ZSWIM7: variants seen among roughly 807,000 people sequenced by gnomAD.
ZSWIM7 encodes zinc finger SWIM domain-containing protein 7.
ZSWIM7 carries 22 observed loss-of-function variants against 21.1 expected under a neutral mutation model. That is an observed-to-expected ratio of 1.04 (90% CI 0.74 to 1.49). The LOEUF (loss-of-function observed/expected upper bound fraction) is 1.49. ZSWIM7 is among the 40% of genes most tolerant of loss of function. The probability of loss-of-function intolerance (pLI) is 0.00; values close to 1 mark genes in which losing one functional copy is unlikely to be tolerated. For synonymous variants in ZSWIM7, 67 were observed against 66.5 expected, an observed-to-expected ratio of 1.01 and a Z score of -0.04; for missense variants, 193 against 168.0, an observed-to-expected ratio of 1.15 and a Z score of -0.82.
chr17:15,978,251 G>T, intron 4 of ZSWIM7, 88 bp from the exon 5 acceptor site: 1 of 932,670 alleles, frequency 1.1e-6, no homozygotes, highest in Non-Finnish European at 1.7e-6. Context: ...CATCTTATTT[G>T]GCAGGAGAAG....
At chr17:15,983,569 C>G (rs998436655) in intron 3 of ZSWIM7, among the ~76,000 whole-genome samples, 1 of 151,958 alleles carries the variant, frequency 6.6e-6, no homozygotes, top group African/African-American at 2.4e-5. Flanking sequence ...AAAAAACCCA[C>G]AACATCCAGC....
chr17:15,978,015 A>G lies in ZSWIM7; in HGVS notation c.*32T>C, dbSNP rs1353878008. On this transcript the variant is annotated 3_prime_UTR_variant, in exon 5 of 5. Coordinates refer to ENST00000399277, the MANE Select transcript of ZSWIM7 (RefSeq NM_001042697.2). Reference sequence around the variant, plus strand: ...TCAATGCATTTCTTGACAGGATTCTATTTTGAAAGAATGATGCTCAATCTG... The same window carrying G: ...TCAATGCATTTCTTGACAGGATTCTGTTTTGAAAGAATGATGCTCAATCTG... 1.1e-5 allele frequency: 17 copies of G among 1,542,218 alleles called. No individual in the cohort carries two copies. Among genetic ancestry groups the G allele is most frequent in the Non-Finnish European group, 1.4e-5 (16 of 1,115,696 alleles).
In ZSWIM7 at chr17:15,977,452, C is replaced by CACTT. The variant is rs931303763; in HGVS notation, c.*591_*594dup. The CACTT allele has an allele frequency of 8.5e-5, 13 of 152,370 alleles. No homozygotes were observed. Among genetic ancestry groups the CACTT allele is most frequent in the African/African-American group, 2.9e-4 (12 of 41,538 alleles). The allele number at this position is 152,370 out of a possible 1,614,324, so 9.4% of individuals were successfully genotyped here. On this transcript the variant is annotated 3_prime_UTR_variant, in exon 5 of 5. Transcript: ENST00000399277. ...CAGTGGCTCATGCATGTAATTCCAG[C>CACTT]ACTTTGGGAGGTCGAGGCGGGCAGA...
chr17:15,979,555 G>A (rs1024650416), intron 4 of ZSWIM7, among the ~76,000 whole-genome samples: 4 of 151,994 alleles, frequency 2.6e-5, no homozygotes, highest in African/African-American at 9.6e-5. Flanking sequence ...TCACTTCCCA[G>A]TAGGGGTGGC....
rs1970651078 is a variant in ZSWIM7, at chr17:15,999,697, G to A, written c.-103C>T. ...CTGACCCCCCGCCGGGGCAGGGCGA[G>A]ACGGAGTGACGTCGGGGCGCGTCAT... On this transcript the variant is annotated 5_prime_UTR_variant, in exon 1 of 5. Transcript: ENST00000399277. 1 of 1,554,374 alleles carries A rather than the reference G, an allele frequency of 6.4e-7. No homozygotes were observed. Among genetic ancestry groups the A allele is most frequent in the Admixed American group, 1.9e-5 (1 of 52,236 alleles).
intron 1 of ZSWIM7, among the ~76,000 whole-genome samples, chr17:15,996,329 A>C (rs1006978947): frequency 6.6e-6 from 1 of 151,550 alleles, no homozygotes; most frequent in Non-Finnish European, 1.5e-5. Context: ...AAACAAAAAA[A>C]CCCCACAACT....
At chr17:15,989,652 A>G (rs1395743047) in intron 2 of ZSWIM7, among the ~76,000 whole-genome samples, 2 of 151,898 alleles carry the variant, frequency 1.3e-5, no homozygotes, top group Non-Finnish European at 2.9e-5. Flanking sequence ...TTTGAGACAA[A>G]GTCTCTCTCT....
chr17:15,983,530 A>G (rs965944681), intron 3 of ZSWIM7, among the ~76,000 whole-genome samples: 4 of 151,944 alleles, frequency 2.6e-5, no homozygotes, highest in African/African-American at 9.7e-5. Flanking sequence ...AGAGCATTAA[A>G]GCAGATTGTT....
In ZSWIM7 at chr17:15,999,680, C is replaced by G. The variant is rs73276077; in HGVS notation, c.-86G>C. ...CCTACCTGTGGAGGATCCTGACCCC[C>G]CGCCGGGGCAGGGCGAGACGGAGTG... On this transcript the variant is annotated 5_prime_UTR_variant, in exon 1 of 5. Transcript: ENST00000399277. 9,754 of 1,557,882 alleles carry G rather than the reference C, an allele frequency of 6.3e-3. 491 individuals carry two copies. In the African/African-American group the frequency reaches 0.11, roughly 18 times the overall value.
At chr17:15,987,389 A>G in intron 2 of ZSWIM7, 21 bp from the exon 3 acceptor site, 5 of 1,598,642 alleles carry the variant, frequency 3.1e-6, no homozygotes, top group Non-Finnish European at 4.3e-6. Flanking sequence ...AAAACACTTC[A>G]GATTAGAAGG....
intron 3 of ZSWIM7, among the ~76,000 whole-genome samples, chr17:15,982,332 T>C (rs556727572): frequency 1.3e-5 from 2 of 152,298 alleles, no homozygotes; most frequent in African/African-American, 4.8e-5. Context: ...AAGATTATTA[T>C]TAGTATCTGA....
chr17:15,978,475 G>T (rs1033967034), intron 4 of ZSWIM7, among the ~76,000 whole-genome samples: 1 of 152,214 alleles, frequency 6.6e-6, no homozygotes, highest in African/African-American at 2.4e-5. Context: ...GTACATGCCT[G>T]TAATTCCAGC....
intron 1 of ZSWIM7, among the ~76,000 whole-genome samples, chr17:15,995,000 T>G (rs1597442649): frequency 6.6e-6 from 1 of 151,718 alleles, no homozygotes; most frequent in Non-Finnish European, 1.5e-5. Flanking sequence ...CAGAAGAAAG[T>G]TAGAGGAAAA....
chr17:15,999,363 GT>G, intron 1 of ZSWIM7, 155 bp downstream of exon 1: 3 of 1,019,546 alleles, frequency 2.9e-6, no homozygotes, highest in Non-Finnish European at 4.3e-6. Context: ...TTGTTGTTTT[GT>G]TTTTTTGTCT....
intron 3 of ZSWIM7, among the ~76,000 whole-genome samples, chr17:15,985,002 A>C (rs997288306): frequency 3.3e-5 from 5 of 152,072 alleles, no homozygotes; most frequent in African/African-American, 1.2e-4. Flanking sequence ...TTATTAAGTG[A>C]ATCAAAAAAG....
chr17:15,978,079 T>A lies in ZSWIM7; in HGVS notation c.391A>T (p.Ile131Leu), dbSNP rs1298402072. The change falls in exon 5 of 5, where the codon ATA (isoleucine) becomes TTA (leucine). Residue 131 changes from isoleucine (I) to leucine (L), a missense_variant. Physicochemically the swap from Ile to Leu is conservative, Grantham distance 5 (BLOSUM62 2). Coordinates refer to ENST00000399277, the MANE Select transcript of ZSWIM7 (RefSeq NM_001042697.2). ...TCTTGTTTCTTCTCCATCAATAATA[T>A]GTCAGTCAACTGCTTGTCAGAGACA... ...LSVSDKQLTDILLMEKKQEA is the reference protein window; with the variant it reads ...LSVSDKQLTDLLLMEKKQEA 1 of 1,614,160 alleles carries A rather than the reference T, an allele frequency of 6.2e-7. No individual in the cohort carries two copies.
At chr17:15,979,329 C>G (rs574334405) in intron 4 of ZSWIM7, among the ~76,000 whole-genome samples, 4 of 152,082 alleles carry the variant, frequency 2.6e-5, no homozygotes, top group South Asian at 4.1e-4. Flanking sequence ...CAACAGGATC[C>G]CAAGGCAGAA....
Position 15,976,932 on chromosome 17 carries a change from T to C in ZSWIM7, c.*1115A>G, listed in dbSNP as rs1050285838. ...ATTTCATTTTCATCTTCACGTATTA[T>C]TGCTTCTTTGCTCTCTCGGTGTCCA... On this transcript the variant is annotated 3_prime_UTR_variant, in exon 5 of 5. Transcript: ENST00000399277. 1 of 152,190 alleles carries C rather than the reference T, an allele frequency of 6.6e-6. No homozygotes were observed. The highest frequency in any genetic ancestry group is 2.4e-5 in the African/African-American group (1 of 41,448). The allele number at this position is 152,190 out of a possible 1,614,324, so 9.4% of individuals were successfully genotyped here.
At chr17:15,980,628 T>A (rs1970344643) in intron 4 of ZSWIM7, among the ~76,000 whole-genome samples, 1 of 152,208 alleles carries the variant, frequency 6.6e-6, no homozygotes, top group South Asian at 2.1e-4. Flanking sequence ...AAGGTACTCA[T>A]GCCCCATGTG....
Sources: gnomAD v4.1 joint callset for allele counts (sites outside exome capture counted in the v4.1 genomes callset) on GRCh38, gnomAD v4.1.1 for gene constraint, MANE v1.5 for transcripts, NCBI Gene and HGNC (gene_info 2026-07-23, HGNC 2026-07-21) for gene names.